LAIR1: variants seen among roughly 807,000 people sequenced by gnomAD.
LAIR1 encodes leukocyte-associated immunoglobulin-like receptor 1.
Under a neutral mutation model 32.8 loss-of-function variants are expected in LAIR1, and 24 were observed. The ratio of observed to expected loss-of-function variants is 0.73; its 90% CI spans 0.53 to 1.03. The LOEUF is 1.03. LAIR1 is among the 50% of genes least tolerant of loss of function. LAIR1 has a pLI of 0.00. For synonymous variants in LAIR1, 150 were observed against 140.5 expected, an observed-to-expected ratio of 1.07 and a Z score of -0.48; for missense variants, 355 against 347.5, an observed-to-expected ratio of 1.02 and a Z score of -0.17.
chr19:54,356,975 G>A lies in LAIR1; in HGVS notation c.416-9C>T. 1 of 1,613,592 alleles carries A rather than the reference G, an allele frequency of 6.2e-7. No individual in the cohort carries two copies. On this transcript the variant is annotated splice_polypyrimidine_tract_variant and intron_variant, in intron 4 of 9. Coordinates refer to ENST00000391742, the MANE Select transcript of LAIR1 (RefSeq NM_002287.6). ...CGGCCTCTGCGTGGGTCCTGGGAGG[G>A]AGGAATCAGAAGGAGGAGGAGTTAG...
In LAIR1 at chr19:54,364,021, C is replaced by T. The variant is rs1022631544; in HGVS notation, c.70+274G>A. 1.3e-5 allele frequency among the ~76,000 whole-genome samples: 2 copies of T among 151,898 alleles called. No homozygotes were observed. The highest frequency in any genetic ancestry group is 2.1e-4 in the South Asian group (1 of 4,820). On this transcript the variant is annotated intron_variant, in intron 2 of 9. Coordinates refer to ENST00000391742, the MANE Select transcript of LAIR1 (RefSeq NM_002287.6). This position sits in a 1 kb window ranked among gnomAD's most constrained non-coding sequence, Gnocchi z 4.8. ...TTAATCTTTCCACAATGTGTACATA[C>T]GTCATAATATCACACTGTACCCCGC...
chr19:54,374,008 A>T (rs2082462327), upstream of LAIR1, among the ~76,000 whole-genome samples: 1 of 152,236 alleles, frequency 6.6e-6, no homozygotes, highest in African/African-American at 2.4e-5. Flanking sequence ...ACAATGATGC[A>T]ACAAGACCAG....
At chr19:54,373,237 T>C (rs559524126), upstream of LAIR1, among the ~76,000 whole-genome samples, 3 of 151,154 alleles carry the variant, frequency 2.0e-5, no homozygotes, top group South Asian at 2.1e-4. Context: ...GGTCAGGTGA[T>C]CGAGACCATC....
At chr19:54,366,493 C>G (rs1320195780), upstream of LAIR1, among the ~76,000 whole-genome samples, 1 of 151,940 alleles carries the variant, frequency 6.6e-6, no homozygotes, top group Non-Finnish European at 1.5e-5. Flanking sequence ...GAAGAAATTT[C>G]TTTTCTTTTT....
chr19:54,356,223 C>T lies in LAIR1; in HGVS notation c.664+7G>A, dbSNP rs570694923. The T allele has an allele frequency of 1.9e-6, 3 of 1,612,992 alleles. No homozygotes were observed. The highest frequency in any genetic ancestry group is 2.2e-5 in the East Asian group (1 of 44,880). On this transcript the variant is annotated splice_region_variant and intron_variant, in intron 8 of 9. Coordinates refer to ENST00000391742, the MANE Select transcript of LAIR1 (RefSeq NM_002287.6). ...TCCCAGGCCTGTCCCTCCTCCTCCC[C>T]CTTTACCTGCTGTCCTCTCTAGAAC...
upstream of LAIR1, chr19:54,365,003 C>T (rs1314054910): frequency 2.1e-6 from 3 of 1,438,412 alleles, no homozygotes; most frequent in East Asian, 2.6e-5. Flanking sequence ...AGAGGGAGGG[C>T]CTTGGTTTCT....
chr19:54,371,671 C>T (rs767505977), upstream of LAIR1, among the ~76,000 whole-genome samples: 16 of 151,600 alleles, frequency 1.1e-4, no homozygotes, highest in Non-Finnish European at 2.1e-4. Context: ...AGAATGAGCA[C>T]GCATCAATGT....
At chr19:54,367,711 A>G (rs1426375430), upstream of LAIR1, among the ~76,000 whole-genome samples, 2 of 150,688 alleles carry the variant, frequency 1.3e-5, no homozygotes, top group East Asian at 3.9e-4. Context: ...GTGCCATTGC[A>G]CTCCAGCCTG....
In LAIR1 at chr19:54,364,746, C is replaced by T. The variant is rs377679074; in HGVS notation, c.34+25G>A. ...CCAGACCTCCCGACCCCCTTTCCAG[C>T]CTCCCGGCTGCCTCCAGGACTCACC... is the stretch of plus-strand genomic sequence containing the variant. On this transcript the variant is annotated intron_variant, in intron 1 of 9. Coordinates refer to ENST00000391742, the MANE Select transcript of LAIR1 (RefSeq NM_002287.6). The surrounding 1 kb of genome is among the most constrained non-coding windows in gnomAD (Gnocchi z 4.8). 3.1e-6 allele frequency: 5 copies of T among 1,601,020 alleles called. No individual in the cohort carries two copies. The highest frequency in any genetic ancestry group is 1.7e-5 in the Admixed American group (1 of 59,406).
rs765377427 is a variant in LAIR1, at chr19:54,356,222, C to A, written c.664+8G>T. 1 of 1,612,848 alleles carries A rather than the reference C, an allele frequency of 6.2e-7. No homozygotes were observed. Among genetic ancestry groups the A allele is most frequent in the South Asian group, 1.1e-5 (1 of 91,012 alleles). ...ATCCCAGGCCTGTCCCTCCTCCTCCCCCTTTACCTGCTGTCCTCTCTAGAA... is the reference window on the plus strand; with the variant it reads ...ATCCCAGGCCTGTCCCTCCTCCTCCACCTTTACCTGCTGTCCTCTCTAGAA... On this transcript the variant is annotated splice_region_variant and intron_variant, in intron 8 of 9. Transcript: ENST00000391742.
chr19:54,355,352 T>G lies in LAIR1; in HGVS notation c.780A>C (p.Thr260=), dbSNP rs750683919. The G allele has an allele frequency of 1.9e-6, 3 of 1,612,858 alleles. No homozygotes were observed. Among genetic ancestry groups the G allele is most frequent in the Admixed American group, 1.7e-5 (1 of 59,884 alleles). The change falls in exon 10 of 10, where the codon ACA becomes ACC. Residue 260 remains threonine, a synonymous_variant. Coordinates refer to ENST00000391742, the MANE Select transcript of LAIR1 (RefSeq NM_002287.6). The surrounding 1 kb of genome is among the most constrained non-coding windows in gnomAD (Gnocchi z 4.7). ...GGGACACAGCCCGGGCTGTCCTCTG[T>G]GTGAGGGCCCAGTGGTCCAGCTGAG... is the stretch of plus-strand genomic sequence containing the variant. ...TYAQLDHWAL[T]QRTARAVSPQ... is the part of the protein sequence containing the mutation.
chr19:54,364,879 A>G lies in LAIR1; in HGVS notation c.-75T>C, dbSNP rs2082198634. 1.9e-6 allele frequency: 3 copies of G among 1,613,602 alleles called. No individual in the cohort carries two copies. The highest frequency in any genetic ancestry group is 2.5e-6 in the Non-Finnish European group (3 of 1,179,736). ...ACAGAACTCTGCAGCAGACACAAGC[A>G]GACAGGATGTGCTGCCCGGGGGCCT... On this transcript the variant is annotated 5_prime_UTR_variant, in exon 1 of 10. Transcript: ENST00000391742. The surrounding 1 kb of genome is among the most constrained non-coding windows in gnomAD (Gnocchi z 4.8).
At chr19:54,365,703 A>G (rs2082229924), upstream of LAIR1, among the ~76,000 whole-genome samples, 1 of 151,752 alleles carries the variant, frequency 6.6e-6, no homozygotes, top group South Asian at 2.1e-4. Flanking sequence ...AATCGCTTGA[A>G]CCCAGAAGGC....
At chr19:54,364,946 G>A, upstream of LAIR1, 2 of 1,555,756 alleles carry the variant, frequency 1.3e-6, no homozygotes, top group Middle Eastern at 3.4e-4. The surrounding 1 kb of genome is among the most constrained non-coding windows in gnomAD (Gnocchi z 4.8). Context: ...CACACAAGAG[G>A]AAGAGCTTTC....
At position 54,356,982 on chromosome 19, in the gene LAIR1, CAGA is replaced by C. The variant is rs1258021706; in HGVS notation, c.416-19_416-17del. On this transcript the variant is annotated splice_polypyrimidine_tract_variant and intron_variant, in intron 4 of 9. Transcript: ENST00000391742. The stretch of plus-strand genomic sequence containing the variant: ...TGCGTGGGTCCTGGGAGGGAGGAAT[CAGA>C]AGGAGGAGGAGTTAGAGTCCTGAGC... The C allele has an allele frequency of 3.1e-6, 5 of 1,613,090 alleles. No homozygotes were observed. In the African/African-American group the frequency reaches 4.0e-5, roughly 13 times the overall value.
In LAIR1 at chr19:54,364,873, A is replaced by C. The variant is rs2082198082; in HGVS notation, c.-69T>G. The C allele has an allele frequency of 6.2e-7, 1 of 1,613,662 alleles. No homozygotes were observed. The highest frequency in any genetic ancestry group is 1.7e-5 in the Admixed American group (1 of 59,948). The stretch of plus-strand genomic sequence containing the variant: ...GCAAGGACAGAACTCTGCAGCAGAC[A>C]CAAGCAGACAGGATGTGCTGCCCGG... On this transcript the variant is annotated 5_prime_UTR_variant, in exon 1 of 10. Coordinates refer to ENST00000391742, the MANE Select transcript of LAIR1 (RefSeq NM_002287.6). This position sits in a 1 kb window ranked among gnomAD's most constrained non-coding sequence, Gnocchi z 4.8.
chr19:54,364,846 A>G lies in LAIR1; in HGVS notation c.-42T>C, dbSNP rs372058088. Reference sequence around the variant, plus strand: ...GTGCAGCCTGGCCTGAGGCGCACCAATGCAAGGACAGAACTCTGCAGCAGA... The same window carrying G: ...GTGCAGCCTGGCCTGAGGCGCACCAGTGCAAGGACAGAACTCTGCAGCAGA... On this transcript the variant is annotated 5_prime_UTR_variant, in exon 1 of 10. Coordinates refer to ENST00000391742, the MANE Select transcript of LAIR1 (RefSeq NM_002287.6). This position sits in a 1 kb window ranked among gnomAD's most constrained non-coding sequence, Gnocchi z 4.8. 149 of 1,613,950 alleles carry G rather than the reference A, an allele frequency of 9.2e-5. 1 individual carries two copies. Among genetic ancestry groups the G allele is most frequent in the South Asian group, 3.4e-4 (31 of 91,080 alleles).
Position 54,356,685 on chromosome 19 carries a change from C to T in LAIR1, c.455-66G>A, listed in dbSNP as rs1017939258. 2.0e-6 allele frequency: 3 copies of T among 1,495,036 alleles called. No homozygotes were observed. The African/African-American group carries it at 4.1e-5, about 21-fold the overall frequency. The allele number at this position is 1,495,036 out of a possible 1,614,324, so 92.6% of individuals were successfully genotyped here. On this transcript the variant is annotated intron_variant, in intron 5 of 9. Coordinates refer to ENST00000391742, the MANE Select transcript of LAIR1 (RefSeq NM_002287.6). ...TTGAGCACCTACTGTATACCACACA[C>T]ACGTCACGTGCGTTTCATAGACTTA...
chr19:54,367,231 C>T (rs901384338), upstream of LAIR1, among the ~76,000 whole-genome samples: 9 of 152,130 alleles, frequency 5.9e-5, no homozygotes, highest in Admixed American at 4.6e-4. Flanking sequence ...CCTTGCTGAC[C>T]AGTCTTCCTC....
Sources: gnomAD v4.1 joint callset for allele counts (sites outside exome capture counted in the v4.1 genomes callset) on GRCh38, gnomAD v4.1.1 for gene constraint, Gnocchi (gnomAD v3.1) non-coding constraint, MANE v1.5 for transcripts, NCBI Gene and HGNC (gene_info 2026-07-23, HGNC 2026-07-21) for gene names.